The following ASTN2 variants were observed in gnomAD, a reference collection of about 807,000 sequenced individuals.
ASTN2 encodes astrotactin 2.
A neutral mutation model predicts 139.8 loss-of-function variants in ASTN2; 54 were observed. That is an observed-to-expected ratio of 0.39 (90% CI 0.31 to 0.48). ASTN2 has a LOEUF of 0.48. Among genes scored for constraint, ASTN2 ranks in the 20% least tolerant of loss-of-function variants. ASTN2 has a pLI of 0.95. For missense variants in ASTN2, 1,565 were observed against 1,725.1 expected, an observed-to-expected ratio of 0.91 and a Z score of 1.64; for synonymous variants, 756 against 719.5, an observed-to-expected ratio of 1.05 and a Z score of -0.81.
chr9:116,626,053 C>CACG (rs1856437507), intron 17 of ASTN2, among the ~76,000 whole-genome samples: 1 of 151,598 alleles, frequency 6.6e-6, no homozygotes, highest in Admixed American at 6.6e-5. Flanking sequence ...AATATTGGCT[C>CACG]ACGGCAATCT....
intron 10 of ASTN2, among the ~76,000 whole-genome samples, chr9:116,905,946 C>T (rs545725028): frequency 6.6e-6 from 1 of 151,480 alleles, no homozygotes; most frequent in Admixed American, 6.6e-5. Flanking sequence ...AATGCTTTCT[C>T]TGTCTCTCTA....
chr9:116,991,723 G>A (rs1836862407), intron 7 of ASTN2, among the ~76,000 whole-genome samples: 1 of 152,136 alleles, frequency 6.6e-6, no homozygotes, highest in African/African-American at 2.4e-5. Context: ...TTGCATTCAG[G>A]ACAAGATTTC....
Position 116,699,145 on chromosome 9 carries a change from A to C in ASTN2, c.2806+26626T>G. On this transcript the variant is annotated intron_variant, in intron 16 of 22. Transcript: ENST00000313400. This position sits in a 1 kb window ranked among gnomAD's most constrained non-coding sequence, Gnocchi z 4.2. ...CACTGCGTGGCCTGTCACAGGAGCC[A>C]GCTGAGCAAACCATGGGGTATCACA... is the stretch of plus-strand genomic sequence containing the variant. 1.2e-6 allele frequency: 2 copies of C among 1,614,256 alleles called. No homozygotes were observed. Among genetic ancestry groups the C allele is most frequent in the South Asian group, 1.1e-5 (1 of 91,088 alleles).
At chr9:116,490,226 T>C (rs1336312176) in intron 19 of ASTN2, among the ~76,000 whole-genome samples, 1 of 124,422 alleles carries the variant, frequency 8.0e-6, no homozygotes, top group Non-Finnish European at 1.6e-5. Context: ...AATATGTCCA[T>C]TTCAAAAAAT....
chr9:116,738,465 C>T (rs932151846), intron 13 of ASTN2, among the ~76,000 whole-genome samples: 3 of 151,348 alleles, frequency 2.0e-5, no homozygotes, highest in Non-Finnish European at 2.9e-5. Context: ...TGCGCTGAGA[C>T]TCCATCTCAG....
intron 19 of ASTN2, among the ~76,000 whole-genome samples, chr9:116,549,565 G>A (rs1156510244): frequency 6.6e-6 from 1 of 152,200 alleles, no homozygotes; most frequent in Non-Finnish European, 1.5e-5. Context: ...CTCAATCCAG[G>A]CAGGAGGCAG....
chr9:117,232,062 G>A (rs1267823024), intron 2 of ASTN2, among the ~76,000 whole-genome samples: 1 of 151,952 alleles, frequency 6.6e-6, no homozygotes, highest in African/African-American at 2.4e-5. Context: ...CCTCCATGGG[G>A]CTGTATAACA....
At chr9:117,016,648 A>ATGT (rs1837704968) in intron 6 of ASTN2, among the ~76,000 whole-genome samples, 1 of 103,906 alleles carries the variant, frequency 9.6e-6, no homozygotes, top group African/African-American at 4.1e-5. Flanking sequence ...ATATATATAT[A>ATGT]TATATATAAC....
At chr9:117,250,779 G>A (rs772849248) in intron 2 of ASTN2, among the ~76,000 whole-genome samples, 12 of 152,160 alleles carry the variant, frequency 7.9e-5, no homozygotes, top group Non-Finnish European at 1.5e-4. Context: ...CTTCAAATGG[G>A]GAAACACAGA....
chr9:116,905,295 G>C (rs1685229265), intron 10 of ASTN2, among the ~76,000 whole-genome samples: 1 of 152,144 alleles, frequency 6.6e-6, no homozygotes, highest in African/African-American at 2.4e-5. Flanking sequence ...TGATACAAAA[G>C]CGGCATTTGT....
chr9:117,388,337 A>G (rs1214818760), intron 1 of ASTN2, among the ~76,000 whole-genome samples: 1 of 152,164 alleles, frequency 6.6e-6, no homozygotes, highest in African/African-American at 2.4e-5. Context: ...TCTTCCCTAG[A>G]TGAGACATAT....
chr9:117,374,969 C>T (rs933145950), intron 1 of ASTN2, among the ~76,000 whole-genome samples: 1 of 152,194 alleles, frequency 6.6e-6, no homozygotes, highest in African/African-American at 2.4e-5. Context: ...CCAGTTGACT[C>T]AGCTACCAAG....
chr9:116,571,355 G>A (rs539865249), intron 19 of ASTN2, among the ~76,000 whole-genome samples: 37 of 152,292 alleles, frequency 2.4e-4, no homozygotes, highest in African/African-American at 8.9e-4. Flanking sequence ...CCTTCCCTGG[G>A]TCTTCTCACT....
intron 17 of ASTN2, among the ~76,000 whole-genome samples, chr9:116,626,580 G>A (rs2131846729): frequency 6.6e-6 from 1 of 152,176 alleles, no homozygotes; most frequent in Admixed American, 6.5e-5. Flanking sequence ...GGTGGGCTAT[G>A]GAGGTAGAGT....
At chr9:117,209,714 C>G (rs192156605) in intron 3 of ASTN2, among the ~76,000 whole-genome samples, 1 of 152,198 alleles carries the variant, frequency 6.6e-6, no homozygotes, top group East Asian at 1.9e-4. Flanking sequence ...ATGTGATAGA[C>G]AATTACATAA....
intron 10 of ASTN2, among the ~76,000 whole-genome samples, chr9:116,933,067 T>G (rs1834954048): frequency 6.6e-6 from 1 of 151,944 alleles, no homozygotes; most frequent in Non-Finnish European, 1.5e-5. Flanking sequence ...ACTTCTGTAC[T>G]TTTACCCAAA....
intron 22 of ASTN2, among the ~76,000 whole-genome samples, chr9:116,439,141 G>T (rs1428255399): frequency 6.7e-6 from 1 of 150,254 alleles, no homozygotes; most frequent in Middle Eastern, 3.2e-3. Flanking sequence ...ATTAAGGGTA[G>T]ATGATGTTGG....
intron 19 of ASTN2, among the ~76,000 whole-genome samples, chr9:116,532,712 T>C (rs556697304): frequency 2.6e-5 from 4 of 152,336 alleles, no homozygotes; most frequent in African/African-American, 4.8e-5. Context: ...TTCTGTTCCA[T>C]TGGTCTATAT....
intron 5 of ASTN2, among the ~76,000 whole-genome samples, chr9:117,060,342 GAGAGAAAGAAAGAAAGAAAGAA>G (rs1564406202): frequency 3.5e-4 from 23 of 66,494 alleles, no homozygotes; most frequent in African/African-American, 1.2e-3. Flanking sequence ...AAGAAAGAAA[GAGAGAAAGAAAGAAAGAAAGAA>G]AGAAAGAAAG....
Sources: gnomAD v4.1 joint callset for allele counts (sites outside exome capture counted in the v4.1 genomes callset) on GRCh38, gnomAD v4.1.1 for gene constraint, Gnocchi (gnomAD v3.1) non-coding constraint, MANE v1.5 for transcripts, NCBI Gene and HGNC (gene_info 2026-07-23, HGNC 2026-07-21) for gene names.